The following TRIOBP variants were observed in gnomAD, a reference collection of about 807,000 sequenced individuals.
TRIOBP encodes TRIO and F-actin binding protein.
A neutral mutation model predicts 238.8 loss-of-function variants in TRIOBP; 169 were observed. The ratio of observed to expected loss-of-function variants is 0.71; its 90% CI spans 0.62 to 0.80. TRIOBP has a LOEUF of 0.80. Among genes scored for constraint, TRIOBP ranks in the 30% least tolerant of loss-of-function variants. The pLI is 0.00. For synonymous variants in TRIOBP, 1,150 were observed against 1,274.4 expected, an observed-to-expected ratio of 0.90 and a Z score of 2.08; for missense variants, 2,838 against 3,122.6, an observed-to-expected ratio of 0.91 and a Z score of 2.17.
At chr22:37,760,996 A>G (rs973695817) in intron 17 of TRIOBP, among the ~76,000 whole-genome samples, 4 of 151,656 alleles carry the variant, frequency 2.6e-5, no homozygotes, top group African/African-American at 9.7e-5. Flanking sequence ...GAAAGAAAAG[A>G]AAAGAAGGCT....
chr22:37,713,433 G>A (rs1355566606), intron 5 of TRIOBP, 22 bp downstream of exon 5: 2 of 1,609,990 alleles, frequency 1.2e-6, no homozygotes, highest in Admixed American at 1.7e-5. Flanking sequence ...GTGGGAGTTT[G>A]GGGGACAAGA....
chr22:37,724,569 C>A lies in TRIOBP; in HGVS notation c.2013C>A (p.Asn671Lys). The change falls in exon 7 of 24, where the codon AAC becomes AAA. Residue 671 changes from asparagine to lysine, a missense_variant. This residue lies in a region of TRIOBP where 167 missense variants were observed against 200.2 expected (regional missense o/e 0.83). Transcript: ENST00000644935. ...SSPNRTIQQE[N>K]PRTSCALRDN... ...CTAACAGAACCATCCAACAAGAGAA[C>A]CCCAGAACATCCTGTGCCCTACGGG... 1 of 1,604,506 alleles carries A rather than the reference C, an allele frequency of 6.2e-7. No individual in the cohort carries two copies. Among genetic ancestry groups the A allele is most frequent in the Non-Finnish European group, 8.5e-7 (1 of 1,174,126 alleles).
Position 37,734,522 on chromosome 22 carries a change from C to A in TRIOBP, c.4186C>A (p.Pro1396Thr), listed in dbSNP as rs1469417952. ...DRQLQGSPLP[P>T]RTSARTPERE... ...GCAGCTCCAGGGGTCCCCGCTGCCC[C>A]CCAGGACATCAGCCAGGACCCCTGA... Residue 1396 changes from proline (P) to threonine (T), a missense_variant, in exon 9 of 24, where the codon CCC (proline) becomes ACC (threonine). Around this residue, in one of 5 missense-constraint regions of TRIOBP, gnomAD observed 2,096 missense variants for 2,137.4 expected, o/e 0.98. Transcript: ENST00000644935. The A allele has an allele frequency of 6.2e-7, 1 of 1,604,424 alleles. No homozygotes were observed. Among genetic ancestry groups the A allele is most frequent in the East Asian group, 2.2e-5 (1 of 44,676 alleles).
chr22:37,772,092 A>G (rs372932044), intron 22 of TRIOBP, among the ~76,000 whole-genome samples: 400 of 152,346 alleles, frequency 2.6e-3, no homozygotes, highest in African/African-American at 9.1e-3. Flanking sequence ...TCCAGTGAGA[A>G]TAACCACGTT....
intron 11 of TRIOBP, chr22:37,750,652 A>T: frequency 2.1e-6 from 1 of 471,096 alleles, no homozygotes; most frequent in Non-Finnish European, 4.4e-6. Context: ...GTATACAGGG[A>T]GGGGCTGGGA....
chr22:37,759,287 C>T (rs1169183294), intron 17 of TRIOBP, 23 bp downstream of exon 17: 4 of 1,603,806 alleles, frequency 2.5e-6, no homozygotes, highest in Non-Finnish European at 2.6e-6. Flanking sequence ...GGCTGTTTTT[C>T]AGGGGGAGGG....
intron 3 of TRIOBP, among the ~76,000 whole-genome samples, chr22:37,709,230 C>T (rs920342651): frequency 6.6e-6 from 1 of 152,206 alleles, no homozygotes; most frequent in African/African-American, 2.4e-5. Context: ...TGTGCCCACC[C>T]TGTGGTGCCG....
chr22:37,712,573 G>A (rs1286716212), intron 4 of TRIOBP, among the ~76,000 whole-genome samples: 1 of 151,900 alleles, frequency 6.6e-6, no homozygotes, highest in Non-Finnish European at 1.5e-5. Flanking sequence ...GACCTCAGGT[G>A]ATCCACCCAC....
At chr22:37,720,448 C>T (rs986854812) in intron 6 of TRIOBP, among the ~76,000 whole-genome samples, 1 of 152,138 alleles carries the variant, frequency 6.6e-6, no homozygotes, top group African/African-American at 2.4e-5. Flanking sequence ...TCATCTCCTC[C>T]GTCTCCTCCA....
chr22:37,717,537 T>G (rs1459749857), intron 6 of TRIOBP, among the ~76,000 whole-genome samples: 1 of 152,084 alleles, frequency 6.6e-6, no homozygotes. Context: ...GTTCTCCACA[T>G]CCCCACTAGA....
intron 17 of TRIOBP, among the ~76,000 whole-genome samples, chr22:37,762,880 G>A (rs1015368144): frequency 1.1e-4 from 17 of 152,122 alleles, no homozygotes; most frequent in Non-Finnish European, 2.1e-4. Context: ...GACAGCTGTC[G>A]GGTGGTCTGG....
Position 37,735,098 on chromosome 22 carries a change from C to T in TRIOBP, c.4762C>T (p.Leu1588Phe), listed in dbSNP as rs1264312367. 1 of 1,607,020 alleles carries T rather than the reference C, an allele frequency of 6.2e-7. No individual in the cohort carries two copies. The highest frequency in any genetic ancestry group is 1.3e-5 in the African/African-American group (1 of 74,928). ...CCTGGACTGGGAGGGCCTCTTGGAGCTCCTGCAGGCCAGGCTGCCCCGCAA... is the reference window on the plus strand; with the variant it reads ...CCTGGACTGGGAGGGCCTCTTGGAGTTCCTGCAGGCCAGGCTGCCCCGCAA... ...PSLDWEGLLE[L>F]LQARLPRKDP... Residue 1588 changes from leucine (L) to phenylalanine (F), a missense_variant, in exon 9 of 24, where the codon CTC becomes TTC. Leu to Phe is a conservative substitution (Grantham distance 22). Around this residue, in one of 5 missense-constraint regions of TRIOBP, gnomAD observed 2,096 missense variants for 2,137.4 expected, o/e 0.98. Transcript: ENST00000644935.
chr22:37,755,298 C>T (rs1359133982), intron 14 of TRIOBP, 108 bp downstream of exon 14: 9 of 1,187,146 alleles, frequency 7.6e-6, no homozygotes, highest in Non-Finnish European at 1.1e-5. Flanking sequence ...GATCCCTTCA[C>T]TCATTTACCC....
At chr22:37,721,202 C>T (rs1923810317) in intron 6 of TRIOBP, among the ~76,000 whole-genome samples, 1 of 151,666 alleles carries the variant, frequency 6.6e-6, no homozygotes, top group South Asian at 2.1e-4. Context: ...TTAGTAGAGA[C>T]TGGTTTCACC....
chr22:37,757,661 G>T lies in TRIOBP; in HGVS notation c.5736G>T (p.Gln1912His). Residue 1912 changes from glutamine to histidine, a missense_variant, in exon 16 of 24, where the codon CAG becomes CAT. Physicochemically the swap from Gln to His is conservative, Grantham distance 24. Around this residue, in one of 5 missense-constraint regions of TRIOBP, gnomAD observed 2,096 missense variants for 2,137.4 expected, o/e 0.98. Coordinates refer to ENST00000644935, the MANE Select transcript of TRIOBP (RefSeq NM_001039141.3). Reference sequence around the variant, plus strand: ...ACGCGCTGCACAGCTACAGCACCCAGAAGGGCCCCCTGAAGGCAGGGGAGC... The same window carrying T: ...ACGCGCTGCACAGCTACAGCACCCATAAGGGCCCCCTGAAGGCAGGGGAGC... ...KENALHSYST[Q>H]KGPLKAGEQR... The T allele has an allele frequency of 6.3e-7, 1 of 1,591,056 alleles. No homozygotes were observed. The highest frequency in any genetic ancestry group is 8.5e-7 in the Non-Finnish European group (1 of 1,170,262).
chr22:37,773,198 T>C (rs1041217079), intron 23 of TRIOBP, among the ~76,000 whole-genome samples: 1 of 151,890 alleles, frequency 6.6e-6, no homozygotes, highest in African/African-American at 2.4e-5. Flanking sequence ...GTTGGTTGGT[T>C]GGTTGGTTGG....
chr22:37,747,684 C>T (rs1925356945), intron 11 of TRIOBP, among the ~76,000 whole-genome samples: 1 of 152,238 alleles, frequency 6.6e-6, no homozygotes, highest in Non-Finnish European at 1.5e-5. Context: ...GCCTTGCCCA[C>T]CGGGTGCCTG....
Position 37,769,281 on chromosome 22 carries a change from CAGA to C in TRIOBP, c.6756_6758del (p.Glu2254del). On this transcript the variant is annotated inframe_deletion, in exon 21 of 24. Coordinates refer to ENST00000644935, the MANE Select transcript of TRIOBP (RefSeq NM_001039141.3). ...TCCCAGGAGCTGCATGGCCGCCTGT[CAGA>C]GGAGATAGACCAGCTGCGCGGCTTC... The C allele has an allele frequency of 1.9e-6, 3 of 1,611,830 alleles. No homozygotes were observed. Among genetic ancestry groups the C allele is most frequent in the Non-Finnish European group, 2.5e-6 (3 of 1,179,404 alleles).
intron 17 of TRIOBP, among the ~76,000 whole-genome samples, chr22:37,764,802 CAT>C (rs772397813): frequency 7.2e-5 from 11 of 152,340 alleles, no homozygotes; most frequent in Admixed American, 4.6e-4. Flanking sequence ...GCACCTGCCA[CAT>C]GTCAGGCCCT....
Sources: allele counts gnomAD v4.1 joint callset (sites outside exome capture counted in the v4.1 genomes callset), GRCh38; gene constraint gnomAD v4.1.1; regional missense constraint gnomAD v4.1.1; transcripts MANE v1.5; gene names NCBI Gene and HGNC (gene_info 2026-07-23, HGNC 2026-07-21).